The following PPP1R36 variants were observed in gnomAD, a reference collection of about 807,000 sequenced individuals.
PPP1R36 encodes the protein protein phosphatase 1 regulatory subunit 36.
In PPP1R36, 47 loss-of-function variants were observed where a neutral mutation model predicts 53.4. The ratio of observed to expected loss-of-function variants is 0.88; its 90% CI spans 0.70 to 1.12. PPP1R36 has a LOEUF of 1.12. Among genes scored for constraint, PPP1R36 ranks in the 50% most tolerant of loss-of-function variants. The pLI, the probability that PPP1R36 is intolerant of heterozygous loss-of-function variation, is 0.00. For missense variants in PPP1R36, 456 were observed against 513.9 expected, an observed-to-expected ratio of 0.89 and a Z score of 1.09; for synonymous variants, 153 against 170.5, an observed-to-expected ratio of 0.90 and a Z score of 0.80.
intron 7 of PPP1R36, among the ~76,000 whole-genome samples, chr14:64,571,442 A>T (rs2080302895): frequency 6.6e-6 from 1 of 152,104 alleles, no homozygotes; most frequent in Non-Finnish European, 1.5e-5. Flanking sequence ...GTACTTTTAA[A>T]CATAATATCA....
intron 8 of PPP1R36, among the ~76,000 whole-genome samples, chr14:64,577,783 T>G (rs2080355330): frequency 7.3e-6 from 1 of 136,650 alleles, no homozygotes; most frequent in Non-Finnish European, 1.5e-5. Context: ...TGGAGTGCAG[T>G]GGTGCGATCT....
intron 7 of PPP1R36, among the ~76,000 whole-genome samples, chr14:64,570,975 G>A (rs2080298795): frequency 6.6e-6 from 1 of 152,210 alleles, no homozygotes; most frequent in Non-Finnish European, 1.5e-5. Context: ...TAGAACCCAG[G>A]TCTGTTTAAC....
At chr14:64,551,773 A>C (rs758344369) in intron 2 of PPP1R36, 13 of 418,276 alleles carry the variant, frequency 3.1e-5, no homozygotes, top group Admixed American at 8.2e-5. Context: ...TCAACTAGAC[A>C]GTAAGCTCCT....
intron 7 of PPP1R36, among the ~76,000 whole-genome samples, chr14:64,573,233 G>T (rs2080316734): frequency 1.3e-5 from 2 of 152,208 alleles, no homozygotes; most frequent in South Asian, 4.1e-4. Flanking sequence ...CAGACATGCT[G>T]TAACCTAAGA....
chr14:64,578,929 A>C (rs1186165612), intron 8 of PPP1R36, among the ~76,000 whole-genome samples: 2 of 152,268 alleles, frequency 1.3e-5, no homozygotes, highest in Admixed American at 1.3e-4. Flanking sequence ...CTGCAGCTAT[A>C]AAAAAGAATG....
rs533680101 is a variant in PPP1R36 at position 64,587,399 on chromosome 14, C to T, written c.890+27C>T. 6.0e-6 allele frequency: 8 copies of T among 1,340,792 alleles called. No individual in the cohort carries two copies. The East Asian group carries it at 2.2e-4, about 36-fold the overall frequency. 83.1% of individuals were successfully genotyped at this position (1,340,792 alleles called of 1,614,324 possible). A position where few individuals can be genotyped will look rare whatever the true frequency, so the allele number is the denominator to read the frequency against. On this transcript the variant is annotated intron_variant, in intron 10 of 11. Coordinates refer to ENST00000298705, the MANE Select transcript of PPP1R36 (RefSeq NM_172365.3). ...TATGACCTTTTGACTTTCCTATGCT[C>T]AGGGGTATTTCTTTTCTTCCTTTCC... is the stretch of plus-strand genomic sequence containing the variant.
intron 8 of PPP1R36, 111 bp downstream of exon 8, chr14:64,574,700 TC>T: frequency 8.2e-7 from 1 of 1,214,044 alleles, no homozygotes; most frequent in Non-Finnish European, 1.2e-6. Flanking sequence ...TTTTCTGTTG[TC>T]CAGAGTAATT....
intron 7 of PPP1R36, 103 bp from the exon 8 acceptor site, chr14:64,574,352 C>T: frequency 8.2e-7 from 1 of 1,221,936 alleles, no homozygotes; most frequent in Non-Finnish European, 1.1e-6. Context: ...AAGACTCTGT[C>T]TTAAAGAAAA....
At chr14:64,550,138 C>T (rs1039900553) in intron 1 of PPP1R36, 72 bp downstream of exon 1, 67 of 1,516,272 alleles carry the variant, frequency 4.4e-5, no homozygotes, top group Admixed American at 2.0e-4. Context: ...CAACCGGCGC[C>T]GCGCCCCTCG....
chr14:64,568,111 A>G (rs1321348964), intron 6 of PPP1R36, among the ~76,000 whole-genome samples: 2 of 152,208 alleles, frequency 1.3e-5, no homozygotes, highest in Non-Finnish European at 2.9e-5. Flanking sequence ...AGTAAGCACA[A>G]CTATAAGAAT....
chr14:64,561,824 T>G, intron 3 of PPP1R36: 3 of 456,018 alleles, frequency 6.6e-6, no homozygotes, highest in South Asian at 4.6e-5. Flanking sequence ...ACCAGCAGTC[T>G]GCCTGAATGT....
In PPP1R36 at chr14:64,568,384, T is replaced by C; in HGVS notation, c.470T>C (p.Leu157Ser). ...KNLDNFLMAL[L>S]YYLSHYLEKN... ...CTTGATAATTTCCTCATGGCATTAT[T>C]GTACTACTTATCCCATTACTTGGAA... The change falls in exon 7 of 12, where the codon TTG becomes TCG. Residue 157 changes from leucine (L) to serine (S), a missense_variant. Coordinates refer to ENST00000298705, the MANE Select transcript of PPP1R36 (RefSeq NM_172365.3). 1 of 1,560,886 alleles carries C rather than the reference T, an allele frequency of 6.4e-7. No individual in the cohort carries two copies. Among genetic ancestry groups the C allele is most frequent in the Non-Finnish European group, 8.7e-7 (1 of 1,147,288 alleles).
intron 9 of PPP1R36, 115 bp downstream of exon 9, chr14:64,586,994 C>T: frequency 2.2e-6 from 2 of 901,162 alleles, no homozygotes; most frequent in Non-Finnish European, 3.5e-6. Context: ...ACGGTGCTAA[C>T]AAGCTATATG....
At chr14:64,579,924 C>T (rs1443557830) in intron 8 of PPP1R36, among the ~76,000 whole-genome samples, 3 of 152,130 alleles carry the variant, frequency 2.0e-5, no homozygotes, top group Admixed American at 6.5e-5. Context: ...GAGCTGAGAT[C>T]GCGCCACTGC....
At chr14:64,583,270 A>T (rs1411111828) in intron 8 of PPP1R36, among the ~76,000 whole-genome samples, 3 of 151,780 alleles carry the variant, frequency 2.0e-5, no homozygotes, top group African/African-American at 7.2e-5. Flanking sequence ...TATTTTAAGT[A>T]TATGTACTTA....
intron 7 of PPP1R36, 96 bp from the exon 8 acceptor site, chr14:64,574,354 TAAAGA>T: frequency 3.2e-6 from 4 of 1,242,126 alleles, no homozygotes; most frequent in South Asian, 1.5e-5. Flanking sequence ...GACTCTGTCT[TAAAGA>T]AAAGAAGAAA....
intron 7 of PPP1R36, among the ~76,000 whole-genome samples, chr14:64,571,633 T>G (rs2080304127): frequency 6.6e-6 from 1 of 152,184 alleles, no homozygotes; most frequent in Admixed American, 6.5e-5. Context: ...TAAGTTAGGT[T>G]AATAAGCATC....
chr14:64,562,120 C>T (rs1596729569), intron 3 of PPP1R36: 1 of 183,026 alleles, frequency 5.5e-6, no homozygotes, highest in Non-Finnish European at 1.1e-5. Flanking sequence ...GCTAGCTAGC[C>T]CAGACCGTGG....
chr14:64,556,394 TA>T (rs1305448708), intron 3 of PPP1R36, among the ~76,000 whole-genome samples: 1 of 152,084 alleles, frequency 6.6e-6, no homozygotes, highest in Non-Finnish European at 1.5e-5. Flanking sequence ...TGAGCCACTG[TA>T]CCCTGCCTTG....
Sources: gnomAD v4.1 joint callset for allele counts (sites outside exome capture counted in the v4.1 genomes callset) on GRCh38, gnomAD v4.1.1 for gene constraint, MANE v1.5 for transcripts, NCBI Gene and HGNC (gene_info 2026-07-23, HGNC 2026-07-21) for gene names.